PDS5B: variants seen among roughly 807,000 people sequenced by gnomAD.
PDS5B encodes the protein sister chromatid cohesion protein PDS5 homolog B.
PDS5B carries 51 observed loss-of-function variants against 184.1 expected under a neutral mutation model. The observed-to-expected ratio is 0.28, with a 90% confidence interval of 0.22 to 0.35. PDS5B has a LOEUF of 0.35. PDS5B is among the 10% of genes least tolerant of loss of function. The pLI is 1.00. For synonymous variants in PDS5B, 566 were observed against 569.2 expected, an observed-to-expected ratio of 0.99 and a Z score of 0.08; for missense variants, 1,180 against 1,723.3, an observed-to-expected ratio of 0.68 and a Z score of 5.58.
At chr13:32,676,041 C>T in intron 9 of PDS5B, 82 bp downstream of exon 9, 1 of 708,572 alleles carries the variant, frequency 1.4e-6, no homozygotes, top group East Asian at 2.5e-5. Flanking sequence ...CACATTTAAA[C>T]TGTGTTCTCT....
chr13:32,610,207 G>A (rs1019363021), intron 1 of PDS5B, among the ~76,000 whole-genome samples: 1 of 152,322 alleles, frequency 6.6e-6, no homozygotes, highest in African/African-American at 2.4e-5. Context: ...ACAAATCAAT[G>A]TAGGTACGTA....
rs1555301447 is a variant in PDS5B at position 32,679,651 on chromosome 13, A to AT, written c.1057+722_1057+723insT. 1.1e-3 allele frequency among the ~76,000 whole-genome samples: 163 copies of AT among 151,172 alleles called. 1 individual carries two copies. Among genetic ancestry groups the AT allele is most frequent in the East Asian group, 5.8e-3 (30 of 5,130 alleles). The stretch of plus-strand genomic sequence containing the variant: ...AACTCTTTATCTCAAAAAAAAAAAA[A>AT]AAATAAATAAATAAATGAATAAAAC... On this transcript the variant is annotated intron_variant, in intron 10 of 34. Transcript: ENST00000315596.
At chr13:32,731,983 C>A in intron 19 of PDS5B, 118 bp from the exon 20 acceptor site, 2 of 734,376 alleles carry the variant, frequency 2.7e-6, no homozygotes, top group Non-Finnish European at 4.3e-6. Context: ...TTGAGTAAAT[C>A]TTGGTGACTT....
chr13:32,650,263 T>C (rs1370125808), intron 2 of PDS5B: 2 of 152,240 alleles, frequency 1.3e-5, no homozygotes, highest in Non-Finnish European at 2.9e-5. Flanking sequence ...TATTTAATGT[T>C]TGTAATATGC....
chr13:32,588,166 A>C (rs2057720812), intron 1 of PDS5B, among the ~76,000 whole-genome samples: 1 of 152,248 alleles, frequency 6.6e-6, no homozygotes, highest in Non-Finnish European at 1.5e-5. Context: ...AGGGACAATA[A>C]AATGAGTATT....
Position 32,667,829 on chromosome 13 carries a change from G to A in PDS5B, c.690G>A (p.Glu230=), listed in dbSNP as rs1207938606. Residue 230 remains glutamate, a synonymous_variant, in exon 7 of 35, where the codon GAG becomes GAA. Transcript: ENST00000315596. ...ALLKRTAQAI[E]PYITNFFNQV... The stretch of plus-strand genomic sequence containing the variant: ...TGAAGAGGACAGCTCAAGCTATTGA[G>A]CCATATATTACCAATGTAAGTCTTA... 6.3e-7 allele frequency: 1 copy of A among 1,575,492 alleles called. No homozygotes were observed. Among genetic ancestry groups the A allele is most frequent in the East Asian group, 2.3e-5 (1 of 44,052 alleles).
intron 2 of PDS5B, 151 bp downstream of exon 2, chr13:32,649,031 A>G: frequency 1.6e-6 from 1 of 616,196 alleles, no homozygotes; most frequent in Non-Finnish European, 2.9e-6. Flanking sequence ...AGTAGAGTAT[A>G]TAAGGTACAG....
intron 31 of PDS5B, among the ~76,000 whole-genome samples, chr13:32,769,323 T>A (rs973623234): frequency 2.6e-5 from 4 of 152,166 alleles, no homozygotes; most frequent in African/African-American, 9.7e-5. Flanking sequence ...AAGTTACAGA[T>A]AATTCGATAG....
chr13:32,758,143 CT>C lies in PDS5B; in HGVS notation c.3117del (p.Phe1039LeufsTer6). ...GCTAAAAATGAAAATAACAGTCACGCTTTTATCAGAAAGATGGTAGAAAATA... is the reference window on the plus strand; with the variant it reads ...GCTAAAAATGAAAATAACAGTCACGCTTTATCAGAAAGATGGTAGAAAATA... Reference protein sequence around the residue: ...LMAKNENNSHAFIRKMVENIK... With the variant: ...LMAKNENNSHXFIRKMVENIK... On this transcript the variant is annotated frameshift_variant, in exon 27 of 35. Coordinates refer to ENST00000315596, the MANE Select transcript of PDS5B (RefSeq NM_015032.4). LOFTEE classifies it high-confidence loss of function. 1 of 1,539,898 alleles carries C rather than the reference CT, an allele frequency of 6.5e-7. No homozygotes were observed. Among genetic ancestry groups the C allele is most frequent in the South Asian group, 1.2e-5 (1 of 82,878 alleles).
At chr13:32,655,983 A>G (rs1950502987) in intron 3 of PDS5B, among the ~76,000 whole-genome samples, 1 of 152,204 alleles carries the variant, frequency 6.6e-6, no homozygotes, top group African/African-American at 2.4e-5. Context: ...TCTTTAATCC[A>G]TCATGAGTTG....
At position 32,630,935 on chromosome 13, in the gene PDS5B, C is replaced by T. The variant is rs561624860; in HGVS notation, c.-19-17819C>T. Among the ~76,000 whole-genome samples the T allele has an allele frequency of 3.3e-5, 5 of 151,936 alleles. No homozygotes were observed. In the East Asian group the frequency reaches 9.7e-4, roughly 29 times the overall value. On this transcript the variant is annotated intron_variant, in intron 1 of 34. Coordinates refer to ENST00000315596, the MANE Select transcript of PDS5B (RefSeq NM_015032.4). ...GAGTAGCTGAGATTACAGGCATGCA[C>T]CACCATGGCCGGATAATTTTTGTAT...
intron 14 of PDS5B, 55 bp from the exon 15 acceptor site, chr13:32,696,799 A>G (rs747356498): frequency 1.6e-6 from 2 of 1,272,668 alleles, no homozygotes; most frequent in African/African-American, 1.5e-5. Flanking sequence ...GCAGAGTATG[A>G]TGAAGTTTTC....
At chr13:32,710,988 T>TA (rs1952185915) in intron 19 of PDS5B, among the ~76,000 whole-genome samples, 3 of 151,906 alleles carry the variant, frequency 2.0e-5, no homozygotes, top group African/African-American at 4.8e-5. Context: ...ATTATTATTT[T>TA]CTTTTTTTCT....
chr13:32,747,908 T>TA (rs2140986705), intron 24 of PDS5B, among the ~76,000 whole-genome samples: 1 of 152,318 alleles, frequency 6.6e-6, no homozygotes, highest in South Asian at 2.1e-4. Flanking sequence ...TGCCAGCCAT[T>TA]AGGTAAATGT....
intron 1 of PDS5B, among the ~76,000 whole-genome samples, chr13:32,610,866 A>G (rs1233281771): frequency 6.6e-6 from 1 of 152,148 alleles, no homozygotes; most frequent in African/African-American, 2.4e-5. Flanking sequence ...AGCACTGGGT[A>G]GGTACTCAGT....
chr13:32,725,727 G>A lies in PDS5B; in HGVS notation c.2124-6374G>A, dbSNP rs997763108. Among the ~76,000 whole-genome samples, 6 of 151,952 alleles carry A rather than the reference G, an allele frequency of 3.9e-5. No homozygotes were observed. In the East Asian group the frequency reaches 1.2e-3, roughly 29 times the overall value. ...CATTTATATCTCTTTTTTCCCTCAT[G>A]GCACAGGATAACAACACTATAATAT... is the stretch of plus-strand genomic sequence containing the variant. On this transcript the variant is annotated intron_variant, in intron 19 of 34. Transcript: ENST00000315596.
At chr13:32,646,808 A>G (rs1007630954) in intron 1 of PDS5B, among the ~76,000 whole-genome samples, 3 of 152,104 alleles carry the variant, frequency 2.0e-5, no homozygotes, top group Non-Finnish European at 4.4e-5. Context: ...TACACCTCTT[A>G]GTTTTCATTT....
chr13:32,646,412 A>C, intron 1 of PDS5B, among the ~76,000 whole-genome samples: 1 of 109,324 alleles, frequency 9.1e-6, no homozygotes, highest in Admixed American at 1.2e-4. Context: ...GTATGACTAT[A>C]CTACAAATTG....
intron 1 of PDS5B, among the ~76,000 whole-genome samples, chr13:32,639,290 C>T (rs1404418165): frequency 6.6e-6 from 1 of 152,046 alleles, no homozygotes; most frequent in Non-Finnish European, 1.5e-5. Flanking sequence ...ATGATGTAGG[C>T]AAGTGACCAT....
Sources: gnomAD v4.1 joint callset for allele counts (sites outside exome capture counted in the v4.1 genomes callset) on GRCh38, gnomAD v4.1.1 for gene constraint, MANE v1.5 for transcripts, NCBI Gene and HGNC (gene_info 2026-07-23, HGNC 2026-07-21) for gene names.